The following CD5 variants were observed in gnomAD, a reference collection of about 807,000 sequenced individuals.
The protein encoded by CD5 is T-cell surface glycoprotein CD5.
CD5 carries 36 observed loss-of-function variants against 60.3 expected under a neutral mutation model. That is an observed-to-expected ratio of 0.60 (90% CI 0.46 to 0.79). The LOEUF (loss-of-function observed/expected upper bound fraction) is 0.79, where lower values mean the gene tolerates loss of function less well. Ranked by LOEUF, CD5 falls within the 30% of genes least tolerant of loss-of-function variation. CD5 has a pLI of 0.00. For synonymous variants in CD5, 230 were observed against 257.6 expected (o/e 0.89, Z 1.03); for missense variants, 540 against 630.6 (o/e 0.86, Z 1.54).
the CD5 span, among the ~76,000 whole-genome samples, chr11:61,094,237 G>A: frequency 2.6e-5 from 4 of 152,040 alleles, no homozygotes; most frequent in African/African-American, 2.4e-5. Flanking sequence ...GCAGTGCATG[G>A]CAGGCCCCTG....
the CD5 span, among the ~76,000 whole-genome samples, chr11:61,097,368 G>T: frequency 6.6e-6 from 1 of 152,176 alleles, no homozygotes; most frequent in Non-Finnish European, 1.5e-5. Context: ...AGAAGGAAAA[G>T]AATTCACTCA....
At chr11:61,103,833 G>C (rs1342402277) in intron 1 of CD5, among the ~76,000 whole-genome samples, 1 of 128,002 alleles carries the variant, frequency 7.8e-6, no homozygotes, top group Admixed American at 8.2e-5. Flanking sequence ...ATGTGTGTGA[G>C]TACTGTGTGG....
chr11:61,099,409 T>TCACACACACACATCAACATGGAGATTG (rs111843769), upstream of CD5, among the ~76,000 whole-genome samples: 3 of 128,162 alleles, frequency 2.3e-5, no homozygotes, highest in African/African-American at 1.0e-4. Context: ...AACATGGAAA[T>TCACACACACACATCAACATGGAGATTG]CACACACATC....
At chr11:61,100,344 T>A (rs1190574494), upstream of CD5, among the ~76,000 whole-genome samples, 1 of 65,166 alleles carries the variant, frequency 1.5e-5, no homozygotes, top group Non-Finnish European at 2.8e-5. Context: ...CACACACACA[T>A]CAACATGGAG....
At chr11:61,121,502 C>A in intron 5 of CD5, 109 bp from the exon 6 acceptor site, 1 of 916,728 alleles carries the variant, frequency 1.1e-6, no homozygotes, top group Non-Finnish European at 1.5e-6. Flanking sequence ...CCACACAGTG[C>A]CTTCCCCTAG....
rs550112612 is a variant in CD5 at position 61,119,313 on chromosome 11, G to T, written c.543G>T (p.Leu181=). The change falls in exon 5 of 11, where the codon CTG becomes CTT. Residue 181 remains leucine (L), a synonymous_variant. Coordinates refer to ENST00000347785, the MANE Select transcript of CD5 (RefSeq NM_014207.4). ...AGVVEFYSGS[L]GGTISYEAQD... ...TGGTGGAGTTCTACAGCGGCAGCCT[G>T]GGGGGTACCATCAGCTATGAGGCCC... is the stretch of plus-strand genomic sequence containing the variant. The T allele has an allele frequency of 6.2e-7, 1 of 1,613,810 alleles. No individual in the cohort carries two copies. The highest frequency in any genetic ancestry group is 8.5e-7 in the Non-Finnish European group (1 of 1,179,940).
intron 7 of CD5, 72 bp from the exon 8 acceptor site, chr11:61,123,812 T>TCCCCCCCCCCCCCCCCCCCC: frequency 2.9e-6 from 1 of 339,974 alleles, no homozygotes; most frequent in Non-Finnish European, 5.5e-6. Context: ...CCCAGCCCCA[T>TCCCCCCCCCCCCCCCCCCCC]CCCCACCCCT....
At chr11:61,111,232 T>C (rs1042615691) in intron 1 of CD5, among the ~76,000 whole-genome samples, 1 of 152,028 alleles carries the variant, frequency 6.6e-6, no homozygotes, top group African/African-American at 2.4e-5. Context: ...CATCTCTGCA[T>C]CTCCAAAGCT....
At chr11:61,116,539 C>CCA (rs200986151) in intron 2 of CD5, among the ~76,000 whole-genome samples, 43,086 of 106,058 alleles carry the variant, frequency 0.41, 9,461 homozygotes, top group East Asian at 0.88. Context: ...ACACCCCACA[C>CCA]CACACACACA....
chr11:61,103,816 T>C (rs1860738496), intron 1 of CD5, among the ~76,000 whole-genome samples: 1 of 124,728 alleles, frequency 8.0e-6, no homozygotes, highest in Non-Finnish European at 1.6e-5. Flanking sequence ...TGTGTGAGTC[T>C]CTGGGCATGT....
At chr11:61,111,827 G>A (rs774262926) in intron 1 of CD5, among the ~76,000 whole-genome samples, 1 of 152,222 alleles carries the variant, frequency 6.6e-6, no homozygotes, top group African/African-American at 2.4e-5. Flanking sequence ...CCACAGATCA[G>A]TAGCACCAGC....
intron 1 of CD5, among the ~76,000 whole-genome samples, chr11:61,107,369 A>G (rs555877222): frequency 1.3e-5 from 2 of 152,286 alleles, no homozygotes; most frequent in African/African-American, 4.8e-5. Context: ...ACACAGGAGC[A>G]GAGAGGTGAG....
chr11:61,122,819 C>A, intron 6 of CD5, 88 bp from the exon 7 acceptor site: 1 of 1,392,696 alleles, frequency 7.2e-7, no homozygotes, highest in Non-Finnish European at 9.8e-7. Flanking sequence ...GCAAGGATGA[C>A]GGCGGAAGCC....
chr11:61,102,363 A>G, upstream of CD5: 1 of 594,322 alleles, frequency 1.7e-6, no homozygotes, highest in Non-Finnish European at 3.0e-6. Context: ...AAACAGGGGC[A>G]GGTGGTTTTG....
At position 61,106,081 on chromosome 11, in the gene CD5, C is replaced by T. The variant is rs113163659; in HGVS notation, c.55+3466C>T. Among the ~76,000 whole-genome samples, 647 of 144,754 alleles carry T rather than the reference C, an allele frequency of 4.5e-3. 5 individuals are homozygous for T. The highest frequency in any genetic ancestry group is 0.016 in the African/African-American group (616 of 38,720). The allele number at this position is 144,754 out of a possible 152,430, so 95.0% of individuals were successfully genotyped here. A position where few individuals can be genotyped will look rare whatever the true frequency, so the allele number is the denominator to read the frequency against. The stretch of plus-strand genomic sequence containing the variant: ...CGGAGGTTGCGGTGAGCCGAGATCG[C>T]GCCATTGCACTCCAGCCTGGGCAAC... On this transcript the variant is annotated intron_variant, in intron 1 of 10. Coordinates refer to ENST00000347785, the MANE Select transcript of CD5 (RefSeq NM_014207.4).
At chr11:61,117,123 G>A (rs766364926) in intron 2 of CD5, among the ~76,000 whole-genome samples, 1 of 152,262 alleles carries the variant, frequency 6.6e-6, no homozygotes, top group Non-Finnish European at 1.5e-5. Flanking sequence ...TGTCCGTGTA[G>A]TGAACTATCA....
upstream of CD5, among the ~76,000 whole-genome samples, chr11:61,098,409 C>A (rs7480021): frequency 0.31 from 46,764 of 152,030 alleles, 8,877 homozygotes; most frequent in African/African-American, 0.54. Context: ...GGAGACCACC[C>A]CTCATACTGT....
In CD5 at chr11:61,125,059, C is replaced by G; in HGVS notation, c.1307C>G (p.Thr436Ser). Residue 436 changes from threonine to serine, a missense_variant, in exon 9 of 11, where the codon ACC becomes AGC. By Grantham distance (58) the Thr-to-Ser change is moderately conservative. Transcript: ENST00000347785. ...TCTTTCCATCGCAACCACACGGCAA[C>G]CGTCCGATCCCATGCTGAGAACCCC... is the stretch of plus-strand genomic sequence containing the variant. Reference protein sequence around the residue: ...NMSFHRNHTATVRSHAENPTA... With the variant: ...NMSFHRNHTASVRSHAENPTA... 6 of 1,614,120 alleles carry G rather than the reference C, an allele frequency of 3.7e-6. No individual in the cohort carries two copies. Among genetic ancestry groups the G allele is most frequent in the Non-Finnish European group, 5.1e-6 (6 of 1,180,002 alleles).
At position 61,118,353 on chromosome 11, in the gene CD5, C is replaced by A. The variant is rs1188318207; in HGVS notation, c.273C>A (p.Ser91Arg). ...CQRLNCGVPL[S>R]LGPFLVTYTP... is the part of the protein sequence containing the mutation. ...GGCTGAACTGTGGGGTGCCCTTAAG[C>A]CTTGGCCCCTTCCTTGTCACCTACA... The change falls in exon 3 of 11, where the codon AGC becomes AGA. Residue 91 changes from serine (S) to arginine (R), a missense_variant. Coordinates refer to ENST00000347785, the MANE Select transcript of CD5 (RefSeq NM_014207.4). The surrounding 1 kb of genome is among the most constrained non-coding windows in gnomAD (Gnocchi z 4.7). 6.2e-7 allele frequency: 1 copy of A among 1,614,240 alleles called. No homozygotes were observed. The highest frequency in any genetic ancestry group is 8.5e-7 in the Non-Finnish European group (1 of 1,180,038).
Sources: gnomAD v4.1 joint callset for allele counts (sites outside exome capture counted in the v4.1 genomes callset) on GRCh38, gnomAD v4.1.1 for gene constraint, Gnocchi (gnomAD v3.1) non-coding constraint, MANE v1.5 for transcripts, NCBI Gene and HGNC (gene_info 2026-07-23, HGNC 2026-07-21) for gene names.